The following VSIG10 variants were observed in gnomAD, a reference collection of about 807,000 sequenced individuals.
VSIG10 encodes the protein V-set and immunoglobulin domain-containing protein 10.
A neutral mutation model predicts 58.7 loss-of-function variants in VSIG10; 48 were observed. That is an observed-to-expected ratio of 0.82 (90% confidence interval 0.65 to 1.04). The LOEUF is 1.04. VSIG10 is among the 50% of genes least tolerant of loss of function. The pLI is 0.00. For missense variants in VSIG10, 628 were observed against 670.0 expected, an observed-to-expected ratio of 0.94 and a Z score of 0.69; for synonymous variants, 260 against 267.1, an observed-to-expected ratio of 0.97 and a Z score of 0.26.
chr12:118,084,960 A>C lies in VSIG10; in HGVS notation c.362-2531T>G, dbSNP rs549480740. 1.5e-4 allele frequency among the ~76,000 whole-genome samples: 23 copies of C among 152,288 alleles called. No homozygotes were observed. In the East Asian group the frequency reaches 4.3e-3, roughly 28 times the overall value. On this transcript the variant is annotated intron_variant, in intron 2 of 8. Transcript: ENST00000359236. The stretch of plus-strand genomic sequence containing the variant: ...TGTGAACCCGGGAGGCGGAGCTTGC[A>C]GTGAGCCGAGATCGCGCCACTGCAC...
At chr12:118,079,632 G>C in intron 3 of VSIG10, 26 bp from the exon 4 acceptor site, 1 of 1,611,818 alleles carries the variant, frequency 6.2e-7, no homozygotes, top group Non-Finnish European at 8.5e-7. Context: ...GGAAAGCATG[G>C]GCTGAATCAC....
chr12:118,093,773 T>C (rs1218343446), intron 2 of VSIG10, among the ~76,000 whole-genome samples: 1 of 150,672 alleles, frequency 6.6e-6, no homozygotes, highest in Non-Finnish European at 1.5e-5. Flanking sequence ...GCCGGGAGAG[T>C]TGGCAGGCGC....
At chr12:118,094,734 A>C (rs1282410236) in intron 2 of VSIG10, among the ~76,000 whole-genome samples, 1 of 147,704 alleles carries the variant, frequency 6.8e-6, no homozygotes, top group African/African-American at 2.5e-5. Flanking sequence ...CTAAGAAGCA[A>C]TAATTTTTTT....
chr12:118,075,417 G>A (rs568729212), intron 4 of VSIG10, among the ~76,000 whole-genome samples: 7 of 152,154 alleles, frequency 4.6e-5, no homozygotes, highest in African/African-American at 1.7e-4. Flanking sequence ...GTGCAGTGCT[G>A]TGATCTTGGC....
intron 7 of VSIG10, 167 bp downstream of exon 7, chr12:118,070,885 T>C (rs763610309): frequency 2.5e-6 from 2 of 800,822 alleles, no homozygotes; most frequent in South Asian, 1.6e-5. Flanking sequence ...GAGGAGATGA[T>C]GAAAGGGTTT....
rs1566166644 is a variant in VSIG10 at position 118,082,152 on chromosome 12, C to T, written c.639G>A (p.Lys213=). The T allele has an allele frequency of 3.1e-6, 5 of 1,613,904 alleles. No homozygotes were observed. In the South Asian group the frequency reaches 3.3e-5, roughly 11 times the overall value. ...AGTAGACCAGGAGCTCGGTGGTCACCTTTCGATGTCTCTTGCTGAGCTGAT... is the reference window on the plus strand; with the variant it reads ...AGTAGACCAGGAGCTCGGTGGTCACTTTTCGATGTCTCTTGCTGAGCTGAT... ...ALNQLSKRHR[K]VTTELLVYYP... is the part of the protein sequence containing the mutation. The change falls in exon 3 of 9, where the codon AAG becomes AAA. Residue 213 remains lysine (K), a synonymous_variant. Coordinates refer to ENST00000359236, the MANE Select transcript of VSIG10 (RefSeq NM_019086.6).
At chr12:118,071,252 C>A in intron 6 of VSIG10, 107 bp downstream of exon 6, 1 of 1,278,590 alleles carries the variant, frequency 7.8e-7, no homozygotes, top group Admixed American at 1.9e-5. Flanking sequence ...AGCAAAGAAG[C>A]CCAGAGAACA....
intron 2 of VSIG10, among the ~76,000 whole-genome samples, chr12:118,087,474 T>A (rs142098357): frequency 1.2e-4 from 19 of 152,066 alleles, no homozygotes; most frequent in Non-Finnish European, 1.5e-5. Context: ...TAACAAACTG[T>A]CATATCTTGG....
At chr12:118,083,267 C>A (rs2033022227) in intron 2 of VSIG10, among the ~76,000 whole-genome samples, 2 of 151,002 alleles carry the variant, frequency 1.3e-5, no homozygotes, top group Admixed American at 1.3e-4. Context: ...CATAGCTAGA[C>A]CCAATCTCTA....
Position 118,073,921 on chromosome 12 carries a change from C to G in VSIG10, c.997G>C (p.Val333Leu). The change falls in exon 5 of 9, where the codon GTG becomes CTG. Residue 333 changes from valine (V) to leucine (L), a missense_variant. Coordinates refer to ENST00000359236, the MANE Select transcript of VSIG10 (RefSeq NM_019086.6). ...TTGGCAGGGGGGTAGGCCCCAGACA[C>G]CTGGCATGTAAGCGTCACATTGCCC... is the stretch of plus-strand genomic sequence containing the variant. Reference protein sequence around the residue: ...TGGNVTLTCQVSGAYPPAKIL... With the variant: ...TGGNVTLTCQLSGAYPPAKIL... The G allele has an allele frequency of 6.2e-7, 1 of 1,612,492 alleles. No individual in the cohort carries two copies. The highest frequency in any genetic ancestry group is 8.5e-7 in the Non-Finnish European group (1 of 1,178,958).
At chr12:118,090,470 TA>T (rs2033261580) in intron 2 of VSIG10, among the ~76,000 whole-genome samples, 1 of 152,068 alleles carries the variant, frequency 6.6e-6, no homozygotes, top group Admixed American at 6.6e-5. Context: ...TTGGGGGACA[TA>T]ATTCAATCCA....
chr12:118,082,097 A>G (rs2032973557), intron 3 of VSIG10, 30 bp downstream of exon 3: 1 of 1,601,690 alleles, frequency 6.2e-7, no homozygotes, highest in Non-Finnish European at 8.5e-7. Flanking sequence ...TAAGGGGAAG[A>G]AGCGGGGCAG....
At position 118,071,560 on chromosome 12, in the gene VSIG10, G is replaced by T. The variant is rs1337276401; in HGVS notation, c.1220-91C>A. ...CTTTCTCTGCGTGGATCCAGTTCTT[G>T]TCTTGATTCCTGACCTTGGGTAAGG... On this transcript the variant is annotated intron_variant, in intron 5 of 8. Transcript: ENST00000359236. The T allele has an allele frequency of 4.2e-6, 5 of 1,200,330 alleles. No individual in the cohort carries two copies. In the African/African-American group the frequency reaches 4.5e-5, roughly 11 times the overall value. 74.4% of individuals were successfully genotyped at this position (1,200,330 alleles called of 1,614,324 possible). A position where few individuals can be genotyped will look rare whatever the true frequency, so the allele number is the denominator to read the frequency against.
rs763344510 is a variant in VSIG10 at position 118,068,432 on chromosome 12, G to A, written c.1512C>T (p.Thr504=). 1.3e-5 allele frequency: 21 copies of A among 1,613,562 alleles called. No individual in the cohort carries two copies. In the South Asian group the frequency reaches 1.3e-4, roughly 10 times the overall value. The change falls in exon 8 of 9, where the codon ACC becomes ACT. Residue 504 remains threonine, a synonymous_variant. Transcript: ENST00000359236. ...GTTCTATGTTCCCATTCACCAAGGCGGTCACTCTGTGAATGTGGTCCTGCT... is the reference window on the plus strand; with the variant it reads ...GTTCTATGTTCCCATTCACCAAGGCAGTCACTCTGTGAATGTGGTCCTGCT... ...IPKQDHIHRV[T]ALVNGNIEQM... is the part of the protein sequence containing the mutation.
At chr12:118,083,768 G>C (rs529084410) in intron 2 of VSIG10, among the ~76,000 whole-genome samples, 65 of 152,116 alleles carry the variant, frequency 4.3e-4, no homozygotes, top group African/African-American at 1.5e-3. Context: ...CACTCACCTT[G>C]GCCTCCCAAA....
chr12:118,103,640 C>A lies in VSIG10; in HGVS notation c.32G>T (p.Arg11Leu). 6.6e-7 allele frequency: 1 copy of A among 1,506,856 alleles called. No individual in the cohort carries two copies. Among genetic ancestry groups the A allele is most frequent in the Admixed American group, 2.1e-5 (1 of 47,122 alleles). The allele number at this position is 1,506,856 out of a possible 1,614,324, so 93.3% of individuals were successfully genotyped here. A position where few individuals can be genotyped will look rare whatever the true frequency, so the allele number is the denominator to read the frequency against. The change falls in exon 1 of 9, where the codon CGC (arginine) becomes CTC (leucine). Residue 11 changes from arginine (R) to leucine (L), a missense_variant. By Grantham distance (102) the Arg-to-Leu change is moderately radical. Coordinates refer to ENST00000359236, the MANE Select transcript of VSIG10 (RefSeq NM_019086.6). MAAGGSAPEPRVLVCLGALLA... is the reference protein window; with the variant it reads MAAGGSAPEPLVLVCLGALLA... Reference sequence around the variant, plus strand: ...GAGCGCCCCGAGGCAGACGAGGACGCGGGGCTCGGGCGCACTGCCGCCTGC... The same window carrying A: ...GAGCGCCCCGAGGCAGACGAGGACGAGGGGCTCGGGCGCACTGCCGCCTGC...
At position 118,065,013 on chromosome 12, in the gene VSIG10, G is replaced by T. The variant is rs1406548037; in HGVS notation, c.*1626C>A. 1.3e-5 allele frequency: 2 copies of T among 152,118 alleles called. No homozygotes were observed. Among genetic ancestry groups the T allele is most frequent in the Non-Finnish European group, 2.9e-5 (2 of 68,032 alleles). 9.4% of individuals were successfully genotyped at this position (152,118 alleles called of 1,614,324 possible). ...CAAACATCCATTGCACCCTTATAAGGTCCTCGACTTTAAGAAATTTATATG... is the reference window on the plus strand; with the variant it reads ...CAAACATCCATTGCACCCTTATAAGTTCCTCGACTTTAAGAAATTTATATG... On this transcript the variant is annotated 3_prime_UTR_variant, in exon 9 of 9. Transcript: ENST00000359236.
intron 8 of VSIG10, among the ~76,000 whole-genome samples, chr12:118,067,345 A>C (rs1482457745): frequency 6.6e-6 from 1 of 152,060 alleles, no homozygotes; most frequent in Non-Finnish European, 1.5e-5. Flanking sequence ...GTTGTCCATC[A>C]GGCAATTAAT....
Position 118,103,736 on chromosome 12 carries a change from CCCCGGGG to C in VSIG10, c.-72_-66del. The stretch of plus-strand genomic sequence containing the variant: ...TGGGCTGGACGTGTGTGCCCCAGGG[CCCCGGGG>C]CCCGGGGTACCGAGGGCTCCTCCCA... On this transcript the variant is annotated 5_prime_UTR_variant, in exon 1 of 9. Coordinates refer to ENST00000359236, the MANE Select transcript of VSIG10 (RefSeq NM_019086.6). The C allele has an allele frequency of 2.2e-6, 3 of 1,372,162 alleles. No homozygotes were observed. Among genetic ancestry groups the C allele is most frequent in the Non-Finnish European group, 2.8e-6 (3 of 1,065,674 alleles). 85.0% of individuals were successfully genotyped at this position (1,372,162 alleles called of 1,614,324 possible).
Sources: gnomAD v4.1 joint callset for allele counts (sites outside exome capture counted in the v4.1 genomes callset) on GRCh38, gnomAD v4.1.1 for gene constraint, MANE v1.5 for transcripts, NCBI Gene and HGNC (gene_info 2026-07-23, HGNC 2026-07-21) for gene names.